The following RAP1GAP2 variants were observed in gnomAD, a reference collection of about 807,000 sequenced individuals.
RAP1GAP2 encodes rap1 GTPase-activating protein 2.
A neutral mutation model predicts 95.0 loss-of-function variants in RAP1GAP2; 27 were observed. The observed-to-expected ratio is 0.28, with a 90% CI of 0.21 to 0.39. The LOEUF (loss-of-function observed/expected upper bound fraction) is 0.39. Ranked by LOEUF, RAP1GAP2 falls within the 10% of genes least tolerant of loss-of-function variation. The pLI, the probability that RAP1GAP2 is intolerant of heterozygous loss-of-function variation, is 1.00. For missense variants in RAP1GAP2, 771 were observed against 970.0 expected (o/e 0.79, Z 2.72); for synonymous variants, 373 against 380.9 (o/e 0.98, Z 0.24).
chr17:2,832,850 C>T (rs572691764), intron 2 of RAP1GAP2, among the ~76,000 whole-genome samples: 20 of 151,850 alleles, frequency 1.3e-4, no homozygotes, highest in South Asian at 4.2e-4. Context: ...GTGGCACTTG[C>T]GTGTAGTCCC....
At chr17:2,832,209 AAAAAAAG>A (rs2070889676) in intron 2 of RAP1GAP2, among the ~76,000 whole-genome samples, 1 of 149,740 alleles carries the variant, frequency 6.7e-6, no homozygotes, top group South Asian at 2.1e-4. Flanking sequence ...GTCTCCAAAA[AAAAAAAG>A]AAAACAAAAA....
chr17:2,881,390 T>A (rs1350077022), intron 2 of RAP1GAP2, among the ~76,000 whole-genome samples: 3 of 152,186 alleles, frequency 2.0e-5, no homozygotes, highest in Admixed American at 1.3e-4. Flanking sequence ...AGTGTGTAGA[T>A]GGAATCACAC....
intron 3 of RAP1GAP2, among the ~76,000 whole-genome samples, chr17:2,950,228 A>G (rs1406398032): frequency 1.3e-5 from 2 of 151,698 alleles, no homozygotes; most frequent in Non-Finnish European, 2.9e-5. Context: ...TAAGTTTTGT[A>G]TTTTTAATAG....
chr17:2,803,010 C>T (rs557617835), intron 2 of RAP1GAP2, among the ~76,000 whole-genome samples: 11 of 152,162 alleles, frequency 7.2e-5, no homozygotes, highest in Non-Finnish European at 1.0e-4. Flanking sequence ...CTGAGTGAGA[C>T]GCCAGGCATG....
intron 11 of RAP1GAP2, among the ~76,000 whole-genome samples, chr17:2,987,635 AC>A (rs2151554653): frequency 6.6e-6 from 1 of 152,296 alleles, no homozygotes; most frequent in Admixed American, 6.5e-5. Context: ...TGCTGGTATT[AC>A]AGGGGTGAGC....
At position 2,902,251 on chromosome 17, in the gene RAP1GAP2, C is replaced by G. The variant is rs1463197084; in HGVS notation, c.81-3033C>G. Among the ~76,000 whole-genome samples the G allele has an allele frequency of 6.6e-6, 1 of 150,950 alleles. No individual in the cohort carries two copies. Among genetic ancestry groups the G allele is most frequent in the East Asian group, 1.9e-4 (1 of 5,152 alleles). On this transcript the variant is annotated intron_variant, in intron 2 of 24. Transcript: ENST00000254695. The surrounding 1 kb of genome is among the most constrained non-coding windows in gnomAD (Gnocchi z 4.1). ...TTTTTTTTTGAGATGGAGTCTTGCT[C>G]TGTCACCCGAGCTGGAGTGCAGTGG... is the stretch of plus-strand genomic sequence containing the variant.
intron 19 of RAP1GAP2, 83 bp downstream of exon 19, chr17:3,020,678 C>A: frequency 3.2e-6 from 4 of 1,250,246 alleles, no homozygotes; most frequent in African/African-American, 3.0e-5. Flanking sequence ...CAGTGCCCTA[C>A]CTTGCAGGGA....
chr17:2,799,304 G>A (rs996592863), intron 1 of RAP1GAP2, among the ~76,000 whole-genome samples: 7 of 152,228 alleles, frequency 4.6e-5, no homozygotes, highest in Non-Finnish European at 1.0e-4. Flanking sequence ...AAGAGGACGT[G>A]TGAGGAAGAA....
At position 2,998,331 on chromosome 17, in the gene RAP1GAP2, C is replaced by A. The variant is rs867381663; in HGVS notation, c.1155C>A (p.Ile385=). The A allele has an allele frequency of 6.2e-7, 1 of 1,614,048 alleles. No homozygotes were observed. ...MIASNFLHAY[I]VVQVETPGTE... ...CCTCCAATTTCTTACATGCCTACATCGTCGTGCAGGTCGAGACCCCAGGCA... is the reference window on the plus strand; with the variant it reads ...CCTCCAATTTCTTACATGCCTACATAGTCGTGCAGGTCGAGACCCCAGGCA... Residue 385 remains isoleucine, a synonymous_variant, in exon 14 of 25, where the codon ATC becomes ATA. Coordinates refer to ENST00000254695, the MANE Select transcript of RAP1GAP2 (RefSeq NM_015085.5).
At chr17:2,960,368 T>G (rs73976735) in intron 4 of RAP1GAP2, among the ~76,000 whole-genome samples, 11,321 of 152,172 alleles carry the variant, frequency 0.074, 1,447 homozygotes, top group African/African-American at 0.25. Context: ...TCTGCCCAGT[T>G]TGCCAGCTGG....
intron 2 of RAP1GAP2, among the ~76,000 whole-genome samples, chr17:2,861,925 G>A (rs2072411319): frequency 6.6e-6 from 1 of 152,130 alleles, no homozygotes; most frequent in South Asian, 2.1e-4. Context: ...CAAAGTGCTG[G>A]GATTACAGAC....
At chr17:2,980,002 AC>A (rs1385263853) in intron 8 of RAP1GAP2, among the ~76,000 whole-genome samples, 3 of 151,348 alleles carry the variant, frequency 2.0e-5, no homozygotes, top group African/African-American at 4.9e-5. Flanking sequence ...GTGCAGTGGT[AC>A]AATCTCGACT....
At chr17:2,786,057 A>T (rs1350515848) in intron 1 of RAP1GAP2, among the ~76,000 whole-genome samples, 1 of 151,970 alleles carries the variant, frequency 6.6e-6, no homozygotes, top group Admixed American at 6.6e-5. Flanking sequence ...ATGTGCCACC[A>T]TGCCTGGCTA....
chr17:3,030,097 CATAAT>C (rs2047243933), intron 22 of RAP1GAP2, among the ~76,000 whole-genome samples: 1 of 146,892 alleles, frequency 6.8e-6, no homozygotes, highest in Admixed American at 6.9e-5. Flanking sequence ...TATAGATACA[CATAAT>C]ATACATATAT....
chr17:2,766,786 G>A (rs1275160878), intron 1 of RAP1GAP2, among the ~76,000 whole-genome samples: 3 of 152,156 alleles, frequency 2.0e-5, no homozygotes, highest in African/African-American at 7.2e-5. Flanking sequence ...CCAGAACTGA[G>A]AGATACATTT....
At position 3,020,485 on chromosome 17, in the gene RAP1GAP2, G is replaced by A; in HGVS notation, c.1641G>A (p.Val547=). 4.3e-6 allele frequency: 7 copies of A among 1,613,376 alleles called. No individual in the cohort carries two copies. The highest frequency in any genetic ancestry group is 5.9e-6 in the Non-Finnish European group (7 of 1,179,602). ...GGCAATTTCATCGACAGCCTCCAGT[G>A]GTGGCGGCAACGGTGAAGAACCAGT... is the stretch of plus-strand genomic sequence containing the variant. The part of the protein sequence containing the change: ...EVTKTTFSPP[V]VAATVKNQSR... Residue 547 remains valine, a synonymous_variant, in exon 19 of 25, where the codon GTG becomes GTA. Coordinates refer to ENST00000254695, the MANE Select transcript of RAP1GAP2 (RefSeq NM_015085.5).
intron 2 of RAP1GAP2, among the ~76,000 whole-genome samples, chr17:2,804,408 A>C (rs2069426861): frequency 6.6e-6 from 1 of 152,250 alleles, no homozygotes; most frequent in Admixed American, 6.5e-5. Context: ...GAGAGAGTTT[A>C]GGAAACCCGT....
intron 3 of RAP1GAP2, among the ~76,000 whole-genome samples, chr17:2,913,682 G>A (rs755061462): frequency 1.3e-5 from 2 of 152,098 alleles, no homozygotes; most frequent in Non-Finnish European, 2.9e-5. Context: ...ACAGAAATGC[G>A]TAAGTCTTAA....
chr17:2,808,970 C>T (rs1009785864), intron 2 of RAP1GAP2, among the ~76,000 whole-genome samples: 1 of 152,142 alleles, frequency 6.6e-6, no homozygotes, highest in African/African-American at 2.4e-5. Context: ...AGTCTCGGGG[C>T]GTGCGTGGCT....
Sources: allele counts gnomAD v4.1 joint callset (sites outside exome capture counted in the v4.1 genomes callset), GRCh38; gene constraint gnomAD v4.1.1; non-coding constraint Gnocchi (gnomAD v3.1); transcripts MANE v1.5; gene names NCBI Gene and HGNC (gene_info 2026-07-23, HGNC 2026-07-21).